WDR49: variants seen among roughly 807,000 people sequenced by gnomAD.
WDR49 encodes cilia- and flagella-associated protein 337.
In WDR49, 107 loss-of-function variants were observed where a neutral mutation model predicts 119.5. The ratio of observed to expected loss-of-function variants is 0.90; its 90% confidence interval spans 0.77 to 1.05. The LOEUF is 1.05. Ranked by LOEUF, WDR49 falls within the 50% of genes least tolerant of loss-of-function variation. The probability of loss-of-function intolerance (pLI) is 0.00; values close to 1 mark genes in which losing one functional copy is unlikely to be tolerated. For missense variants in WDR49, 1,240 were observed against 1,220.5 expected (o/e 1.02, Z -0.24); for synonymous variants, 425 against 418.8 (o/e 1.01, Z -0.18).
chr3:167,583,748 A>G (rs535316727), intron 7 of WDR49, among the ~76,000 whole-genome samples: 4 of 152,308 alleles, frequency 2.6e-5, no homozygotes, highest in Non-Finnish European at 4.4e-5. Context: ...GTTAAACTGG[A>G]CAACTGAGAT....
rs549437850 is a variant in WDR49, at chr3:167,644,760, C to T, written c.165+8501G>A. 3.3e-5 allele frequency among the ~76,000 whole-genome samples: 5 copies of T among 152,158 alleles called. No individual in the cohort carries two copies. In the East Asian group the frequency reaches 9.7e-4, roughly 29 times the overall value. On this transcript the variant is annotated intron_variant, in intron 2 of 18. Transcript: ENST00000682715. ...TGATATATAAAGGCAAATTGCCTTCCAGAAAAGCTTTGTCAATTTACAATC... is the reference window on the plus strand; with the variant it reads ...TGATATATAAAGGCAAATTGCCTTCTAGAAAAGCTTTGTCAATTTACAATC...
chr3:167,604,385 A>T lies in WDR49; in HGVS notation c.1042T>A (p.Ser348Thr). 1 of 1,613,692 alleles carries T rather than the reference A, an allele frequency of 6.2e-7. No individual in the cohort carries two copies. Among genetic ancestry groups the T allele is most frequent in the Non-Finnish European group, 8.5e-7 (1 of 1,179,844 alleles). The change falls in exon 6 of 19, where the codon TCA (serine) becomes ACA (threonine). Residue 348 changes from serine (S) to threonine (T), a missense_variant. Coordinates refer to ENST00000682715, the MANE Select transcript of WDR49 (RefSeq NM_001366157.1). ...GATGTCATATTAAGACGCTTTTTTG[A>T]TTTCTCTCTCCAAGCCATCACCACA... ...NSVVMAWREK[S>T]KKRLNMTSFN...
chr3:167,488,710 G>A lies in WDR49; in HGVS notation c.3032-9714C>T, dbSNP rs73878724. On this transcript the variant is annotated intron_variant, in intron 18 of 18. Coordinates refer to ENST00000682715, the MANE Select transcript of WDR49 (RefSeq NM_001366157.1). Reference sequence around the variant, plus strand: ...AGTGAGAAACAGCCAGTGTCTAGATGAATCAGGTCACATTCCTCTTTAAAT... The same window carrying A: ...AGTGAGAAACAGCCAGTGTCTAGATAAATCAGGTCACATTCCTCTTTAAAT... Among the ~76,000 whole-genome samples the A allele has an allele frequency of 4.4e-3, 666 of 152,120 alleles. 7 individuals are homozygous for A. The highest frequency in any genetic ancestry group is 0.017 in the Middle Eastern group (5 of 294).
chr3:167,495,883 GAA>G, intron 18 of WDR49, among the ~76,000 whole-genome samples: 5 of 71,218 alleles, frequency 7.0e-5, no homozygotes, highest in African/African-American at 1.9e-4. Flanking sequence ...TTAAAAATTT[GAA>G]AAAAAAAAAA....
intron 17 of WDR49, among the ~76,000 whole-genome samples, chr3:167,501,648 G>A (rs1751573299): frequency 6.6e-6 from 1 of 152,130 alleles, no homozygotes; most frequent in Admixed American, 6.5e-5. Flanking sequence ...GATATTTGTA[G>A]TAAGTAACAT....
intron 7 of WDR49, among the ~76,000 whole-genome samples, chr3:167,588,600 C>T (rs574856417): frequency 6.6e-6 from 1 of 152,204 alleles, no homozygotes; most frequent in South Asian, 2.1e-4. Context: ...TTTGTTATTG[C>T]TTGTCTTTTG....
In WDR49 at chr3:167,478,805, G is replaced by A. The variant is rs1208586604; in HGVS notation, c.*73C>T. On this transcript the variant is annotated 3_prime_UTR_variant, in exon 19 of 19. Transcript: ENST00000682715. ...AGTTTAAATATAAAATAAAATAAAA[G>A]GCAGAATTCTTGATGCTTTTTCTGC... 9.6e-7 allele frequency: 1 copy of A among 1,036,646 alleles called. No homozygotes were observed. The highest frequency in any genetic ancestry group is 2.6e-5 in the East Asian group (1 of 38,634). 64.2% of individuals were successfully genotyped at this position (1,036,646 alleles called of 1,614,324 possible). A position where few individuals can be genotyped will look rare whatever the true frequency, so the allele number is the denominator to read the frequency against.
intron 7 of WDR49, among the ~76,000 whole-genome samples, chr3:167,593,124 A>G (rs1287638826): frequency 6.6e-6 from 1 of 152,026 alleles, no homozygotes; most frequent in Non-Finnish European, 1.5e-5. Context: ...GCCTTCTTGT[A>G]TTTGGACATT....
At chr3:167,520,256 A>C (rs909238703) in intron 16 of WDR49, among the ~76,000 whole-genome samples, 7 of 151,976 alleles carry the variant, frequency 4.6e-5, no homozygotes, top group Non-Finnish European at 1.0e-4. Flanking sequence ...AAAAAAAAAA[A>C]TGTTTAAAGG....
chr3:167,527,977 G>A lies in WDR49; in HGVS notation c.2447C>T (p.Ala816Val), dbSNP rs139588696. The A allele has an allele frequency of 6.6e-4, 1,065 of 1,613,014 alleles. 1 individual carries two copies. The highest frequency in any genetic ancestry group is 8.7e-4 in the Admixed American group (52 of 59,836). ...LNSSKNKITK[A>V]PTLIRSFQPH... ...TTGGAATGATCTTATCAGAGTTGGG[G>A]CCTTGGTGATTTTGTTCTTACTGGA... The change falls in exon 15 of 19, where the codon GCC (alanine) becomes GTC (valine). Residue 816 changes from alanine (A) to valine (V), a missense_variant. By Grantham distance (64) the Ala-to-Val change is moderately conservative (BLOSUM62 0). Transcript: ENST00000682715.
chr3:167,622,226 A>G (rs921069122), intron 3 of WDR49, among the ~76,000 whole-genome samples: 1 of 152,088 alleles, frequency 6.6e-6, no homozygotes, highest in African/African-American at 2.4e-5. Flanking sequence ...TAAAGAAAAC[A>G]AGATCTAAAG....
chr3:167,619,740 A>C (rs1195247073), intron 5 of WDR49, among the ~76,000 whole-genome samples: 3 of 152,180 alleles, frequency 2.0e-5, no homozygotes, highest in East Asian at 3.8e-4. Context: ...TTTAGAAGTG[A>C]GAAAATTAGC....
At chr3:167,531,749 G>A (rs1752859349) in intron 12 of WDR49, among the ~76,000 whole-genome samples, 1 of 152,040 alleles carries the variant, frequency 6.6e-6, no homozygotes, top group African/African-American at 2.4e-5. Context: ...ACATTTCTAA[G>A]CATACTTCAA....
At chr3:167,599,349 C>T (rs952847125) in intron 7 of WDR49, among the ~76,000 whole-genome samples, 2 of 152,202 alleles carry the variant, frequency 1.3e-5, no homozygotes, top group Non-Finnish European at 2.9e-5. Context: ...AGAGGAGCCT[C>T]ACCTCATGAC....
intron 10 of WDR49, among the ~76,000 whole-genome samples, chr3:167,550,534 C>A (rs1712493336): frequency 6.6e-6 from 1 of 151,896 alleles, no homozygotes; most frequent in African/African-American, 2.4e-5. Flanking sequence ...ATAAAACCTT[C>A]ATAAACAAAT....
chr3:167,607,998 C>A (rs1716145408), intron 5 of WDR49, among the ~76,000 whole-genome samples: 1 of 152,056 alleles, frequency 6.6e-6, no homozygotes, highest in African/African-American at 2.4e-5. Flanking sequence ...AGGCAAGGAT[C>A]TGGGAAGTAA....
chr3:167,571,582 T>C (rs1329529879), intron 8 of WDR49, among the ~76,000 whole-genome samples: 3 of 152,206 alleles, frequency 2.0e-5, no homozygotes, highest in African/African-American at 7.2e-5. Flanking sequence ...TGGGCTACTA[T>C]GCTGCCTTTT....
At chr3:167,593,623 A>G (rs1381703052) in intron 7 of WDR49, among the ~76,000 whole-genome samples, 1 of 151,818 alleles carries the variant, frequency 6.6e-6, no homozygotes, top group Non-Finnish European at 1.5e-5. Context: ...TATTTAGTTC[A>G]TTTAGTGAGG....
chr3:167,522,261 C>T, intron 16 of WDR49, 54 bp downstream of exon 16: 1 of 1,482,512 alleles, frequency 6.7e-7, no homozygotes, highest in Non-Finnish European at 9.0e-7. Context: ...CCAATCTTAT[C>T]TATGTCTTAT....
Sources: allele counts gnomAD v4.1 joint callset (sites outside exome capture counted in the v4.1 genomes callset), GRCh38; gene constraint gnomAD v4.1.1; transcripts MANE v1.5; gene names NCBI Gene and HGNC (gene_info 2026-07-23, HGNC 2026-07-21).